HHIP: variants seen among roughly 807,000 people sequenced by gnomAD.
HHIP encodes hedgehog interacting protein, also known as hedgehog-interacting protein.
A neutral mutation model predicts 74.0 loss-of-function variants in HHIP; 12 were observed. The ratio of observed to expected loss-of-function variants is 0.16; its 90% CI spans 0.10 to 0.26. The LOEUF (loss-of-function observed/expected upper bound fraction) is 0.26, where lower values mean the gene tolerates loss of function less well. HHIP is among the 10% of genes least tolerant of loss of function. The pLI is 1.00. For synonymous variants in HHIP, 309 were observed against 311.6 expected, an observed-to-expected ratio of 0.99 and a Z score of 0.09; for missense variants, 788 against 845.0, an observed-to-expected ratio of 0.93 and a Z score of 0.84.
At chr4:144,673,928 CTATGGAAGT>C (rs1729109600) in intron 4 of HHIP, among the ~76,000 whole-genome samples, 2 of 152,130 alleles carry the variant, frequency 1.3e-5, no homozygotes, top group Admixed American at 6.5e-5. Flanking sequence ...GCATCTGAAT[CTATGGAAGT>C]TAATTTGGTT....
At position 144,708,081 on chromosome 4, in the gene HHIP, C is replaced by T; in HGVS notation, c.1158-87C>T. 3.6e-6 allele frequency: 5 copies of T among 1,386,246 alleles called. No homozygotes were observed. The South Asian group carries it at 5.0e-5, about 14-fold the overall frequency. 85.9% of individuals were successfully genotyped at this position (1,386,246 alleles called of 1,614,324 possible). Reference sequence around the variant, plus strand: ...ATTTCAACTAAGGGGATGATTTTTTCATCAATAGAGCAACCTCACCATATT... The same window carrying T: ...ATTTCAACTAAGGGGATGATTTTTTTATCAATAGAGCAACCTCACCATATT... On this transcript the variant is annotated intron_variant, in intron 6 of 12. Transcript: ENST00000296575.
chr4:144,691,329 C>A (rs1385508450), intron 4 of HHIP, among the ~76,000 whole-genome samples: 1 of 152,080 alleles, frequency 6.6e-6, no homozygotes, highest in Non-Finnish European at 1.5e-5. Flanking sequence ...TTTTGATAGG[C>A]AATTTCACAT....
chr4:144,698,499 T>C (rs967536136), intron 4 of HHIP, among the ~76,000 whole-genome samples: 3 of 152,148 alleles, frequency 2.0e-5, no homozygotes, highest in Non-Finnish European at 4.4e-5. Flanking sequence ...AGATGTGTAG[T>C]AGGCTCTACC....
At chr4:144,709,841 T>C (rs1426190283) in intron 7 of HHIP, among the ~76,000 whole-genome samples, 2 of 152,292 alleles carry the variant, frequency 1.3e-5, no homozygotes, top group East Asian at 3.9e-4. Flanking sequence ...ATTTTTATAT[T>C]ACCCGTACCT....
intron 4 of HHIP, among the ~76,000 whole-genome samples, chr4:144,698,434 G>A (rs1034465181): frequency 6.6e-6 from 1 of 152,156 alleles, no homozygotes; most frequent in African/African-American, 2.4e-5. Context: ...AGTCAGTAAA[G>A]TAACATGCTA....
intron 4 of HHIP, among the ~76,000 whole-genome samples, chr4:144,692,424 A>T (rs1337441712): frequency 2.0e-5 from 3 of 152,088 alleles, no homozygotes; most frequent in Non-Finnish European, 4.4e-5. Context: ...GAAGAATCAT[A>T]CTCATTACAG....
intron 11 of HHIP, among the ~76,000 whole-genome samples, chr4:144,719,210 T>C (rs1055039121): frequency 6.6e-6 from 1 of 152,188 alleles, no homozygotes. Context: ...ATTCATGGAA[T>C]CAGAGTCCTC....
intron 11 of HHIP, among the ~76,000 whole-genome samples, chr4:144,729,643 A>G (rs2126684367): frequency 6.6e-6 from 1 of 152,324 alleles, no homozygotes; most frequent in African/African-American, 2.4e-5. Flanking sequence ...AGCATGGAAG[A>G]AAAGTAGTTT....
chr4:144,710,432 T>C (rs1730261312), intron 7 of HHIP, among the ~76,000 whole-genome samples: 1 of 152,196 alleles, frequency 6.6e-6, no homozygotes, highest in African/African-American at 2.4e-5. Flanking sequence ...GGTTTCCCTA[T>C]CATGAATGAG....
intron 4 of HHIP, among the ~76,000 whole-genome samples, chr4:144,701,130 C>T (rs1340778066): frequency 6.6e-6 from 1 of 152,102 alleles, no homozygotes; most frequent in Admixed American, 6.5e-5. Flanking sequence ...ATTCAAAATA[C>T]CACCACTCTA....
intron 11 of HHIP, among the ~76,000 whole-genome samples, chr4:144,723,635 C>T (rs927098943): frequency 2.0e-5 from 3 of 152,160 alleles, no homozygotes; most frequent in African/African-American, 7.2e-5. Flanking sequence ...TCCCACAGTG[C>T]CTGTTGACCC....
intron 9 of HHIP, 111 bp downstream of exon 9, chr4:144,714,459 G>A (rs1730393154): frequency 1.9e-6 from 2 of 1,026,360 alleles, no homozygotes; most frequent in Non-Finnish European, 3.0e-6. Flanking sequence ...TGCATCAGAT[G>A]GGGAATACAC....
At position 144,734,840 on chromosome 4, in the gene HHIP, G is replaced by C; in HGVS notation, c.1860G>C (p.Thr620=). The part of the protein sequence containing the change: ...RLCRNGYCTP[T]GKCCCSPGWE... ...GTCGAAACGGCTACTGCACCCCCAC[G>C]GGAAAGTGCTGCTGCAGTCCAGGCT... The change falls in exon 12 of 13, where the codon ACG becomes ACC. Residue 620 remains threonine (T), a synonymous_variant. Transcript: ENST00000296575. 1.2e-6 allele frequency: 2 copies of C among 1,612,962 alleles called. No individual in the cohort carries two copies. Among genetic ancestry groups the C allele is most frequent in the East Asian group, 4.5e-5 (2 of 44,860 alleles).
At chr4:144,725,121 A>G (rs947585763) in intron 11 of HHIP, among the ~76,000 whole-genome samples, 12 of 151,590 alleles carry the variant, frequency 7.9e-5, no homozygotes, top group African/African-American at 2.9e-4. Context: ...AAATTAGTAT[A>G]TCATCAGATA....
chr4:144,658,952 T>TA lies in HHIP; in HGVS notation c.629+9dup, dbSNP rs1728626820. The TA allele has an allele frequency of 6.3e-7, 1 of 1,599,742 alleles. No homozygotes were observed. The highest frequency in any genetic ancestry group is 8.5e-7 in the Non-Finnish European group (1 of 1,172,956). ...AAAGTGGAAGAGATCAGCAGGTTCA[T>TA]AAAGATAAATGCTCTTTAATCTTTT... is the stretch of plus-strand genomic sequence containing the variant. On this transcript the variant is annotated splice_region_variant and intron_variant, in intron 3 of 12. Transcript: ENST00000296575.
intron 5 of HHIP, 62 bp downstream of exon 5, chr4:144,706,744 T>C: frequency 6.8e-7 from 1 of 1,473,174 alleles, no homozygotes; most frequent in Non-Finnish European, 9.1e-7. Context: ...CATCTTTTCA[T>C]AAGTTTTTTT....
At chr4:144,656,905 T>C (rs556267975) in intron 2 of HHIP, among the ~76,000 whole-genome samples, 2 of 152,258 alleles carry the variant, frequency 1.3e-5, no homozygotes, top group South Asian at 4.1e-4. Context: ...TTCTAATCCT[T>C]GAATTTTTTT....
At chr4:144,730,325 A>G (rs1383497742) in intron 11 of HHIP, among the ~76,000 whole-genome samples, 4 of 152,112 alleles carry the variant, frequency 2.6e-5, no homozygotes, top group Non-Finnish European at 5.9e-5. Flanking sequence ...GTGTTTCATT[A>G]TTTGTCATGC....
intron 10 of HHIP, among the ~76,000 whole-genome samples, chr4:144,718,378 G>A (rs1174838005): frequency 6.6e-6 from 1 of 152,140 alleles, no homozygotes; most frequent in South Asian, 2.1e-4. Context: ...ATCACAAGCC[G>A]GTGAGGCTAG....
Sources: gnomAD v4.1 joint callset for allele counts (sites outside exome capture counted in the v4.1 genomes callset) on GRCh38, gnomAD v4.1.1 for gene constraint, MANE v1.5 for transcripts, NCBI Gene and HGNC (gene_info 2026-07-23, HGNC 2026-07-21) for gene names.